The following ROBO2 variants were observed in gnomAD, a reference collection of about 807,000 sequenced individuals.
The protein encoded by ROBO2 is roundabout homolog 2.
ROBO2 carries 53 observed loss-of-function variants against 160.8 expected under a neutral mutation model. The observed-to-expected ratio is 0.33, with a 90% CI of 0.26 to 0.41. The LOEUF is 0.41. Ranked by LOEUF, ROBO2 falls within the 10% of genes least tolerant of loss-of-function variation. ROBO2 has a pLI of 1.00. For missense variants in ROBO2, 1,577 were observed against 1,722.4 expected (o/e 0.92, Z 1.49); for synonymous variants, 664 against 611.7 (o/e 1.09, Z -1.26).
intron 1 of ROBO2, among the ~76,000 whole-genome samples, chr3:77,060,990 C>G (rs1410120631): frequency 6.6e-6 from 1 of 151,648 alleles, no homozygotes; most frequent in African/African-American, 2.4e-5. Flanking sequence ...GGCTGGAAGA[C>G]AGTGGTGCAA....
intron 2 of ROBO2, among the ~76,000 whole-genome samples, chr3:77,248,169 T>G (rs1230076720): frequency 6.6e-6 from 1 of 152,100 alleles, no homozygotes; most frequent in Non-Finnish European, 1.5e-5. Context: ...ATGGCCCGAC[T>G]CTAGAGGAAG....
chr3:77,057,726 A>G (rs1372008135), intron 1 of ROBO2, among the ~76,000 whole-genome samples: 1 of 151,844 alleles, frequency 6.6e-6, no homozygotes, highest in Non-Finnish European at 1.5e-5. Context: ...ACGTGCCACC[A>G]CACTCAGCTA....
At chr3:76,673,398 G>A (rs1025436190) in intron 2 of ROBO2, among the ~76,000 whole-genome samples, 14 of 152,238 alleles carry the variant, frequency 9.2e-5, no homozygotes, top group South Asian at 2.1e-4. Flanking sequence ...CTGAGAGTTC[G>A]CATTTTTAAC....
At chr3:76,215,027 C>A (rs1254756837) in intron 2 of ROBO2, among the ~76,000 whole-genome samples, 3 of 152,156 alleles carry the variant, frequency 2.0e-5, no homozygotes, top group African/African-American at 7.2e-5. Context: ...TCTGCAGCCA[C>A]CGCTGCTGAT....
chr3:77,302,555 G>C (rs1169574165), intron 2 of ROBO2, among the ~76,000 whole-genome samples: 1 of 152,024 alleles, frequency 6.6e-6, no homozygotes, highest in Non-Finnish European at 1.5e-5. Context: ...TGCGTTCTTG[G>C]CTAGAAATTC....
intron 2 of ROBO2, among the ~76,000 whole-genome samples, chr3:76,360,613 C>T (rs2075454594): frequency 6.6e-6 from 1 of 151,854 alleles, no homozygotes; most frequent in African/African-American, 2.4e-5. Flanking sequence ...TTAACGAAGA[C>T]TTTTTTTTCC....
At chr3:77,329,785 T>A (rs1436329535) in intron 2 of ROBO2, among the ~76,000 whole-genome samples, 3 of 152,214 alleles carry the variant, frequency 2.0e-5, no homozygotes, top group African/African-American at 7.2e-5. Flanking sequence ...ACTGACTGTG[T>A]TGACCAGATT....
At chr3:77,406,964 G>C (rs1411279379) in intron 2 of ROBO2, among the ~76,000 whole-genome samples, 1 of 152,064 alleles carries the variant, frequency 6.6e-6, no homozygotes, top group East Asian at 1.9e-4. Context: ...GCAAAGACAG[G>C]AGAAATGTTT....
chr3:76,946,163 G>A (rs2078526107), intron 2 of ROBO2, among the ~76,000 whole-genome samples: 1 of 152,120 alleles, frequency 6.6e-6, no homozygotes, highest in African/African-American at 2.4e-5. Context: ...GCAAAGTTTT[G>A]CCTGAGTAAA....
chr3:76,829,345 CTCTT>C (rs2066868114), intron 2 of ROBO2, among the ~76,000 whole-genome samples: 2 of 152,126 alleles, frequency 1.3e-5, no homozygotes, highest in Admixed American at 1.3e-4. Context: ...TGGATAAAAT[CTCTT>C]TCTTCTTTCT....
intron 2 of ROBO2, among the ~76,000 whole-genome samples, chr3:76,212,777 C>G (rs549287792): frequency 6.6e-6 from 1 of 151,896 alleles, no homozygotes; most frequent in African/African-American, 2.4e-5. Flanking sequence ...GCTGAAATAT[C>G]CCAGCATTCC....
intron 2 of ROBO2, among the ~76,000 whole-genome samples, chr3:76,278,459 T>G (rs2107659929): frequency 6.6e-6 from 1 of 152,172 alleles, no homozygotes; most frequent in East Asian, 1.9e-4. Flanking sequence ...AAACAAAATT[T>G]CAATATATTT....
At chr3:77,003,854 G>C (rs1048975795) in intron 2 of ROBO2, among the ~76,000 whole-genome samples, 1 of 152,108 alleles carries the variant, frequency 6.6e-6, no homozygotes, top group African/African-American at 2.4e-5. Flanking sequence ...CGACATGGAG[G>C]TTCTTTAATC....
chr3:76,659,119 C>T (rs1275288410), intron 2 of ROBO2, among the ~76,000 whole-genome samples: 1 of 151,950 alleles, frequency 6.6e-6, no homozygotes, highest in Non-Finnish European at 1.5e-5. Context: ...GCATTAAGTA[C>T]AGGCTTGCAC....
At chr3:76,769,351 A>AGAT (rs10565547) in intron 2 of ROBO2, among the ~76,000 whole-genome samples, 42 of 150,174 alleles carry the variant, frequency 2.8e-4, no homozygotes, top group Middle Eastern at 3.4e-3. Flanking sequence ...TGTAAATCCC[A>AGAT]GATGATGATG....
chr3:76,363,016 T>C (rs1305659584), intron 2 of ROBO2, among the ~76,000 whole-genome samples: 1 of 152,134 alleles, frequency 6.6e-6, no homozygotes, highest in East Asian at 1.9e-4. Flanking sequence ...CAGCCTGCCA[T>C]CTGAATAGAA....
chr3:77,014,044 T>G (rs2149476483), intron 2 of ROBO2, among the ~76,000 whole-genome samples: 1 of 152,266 alleles, frequency 6.6e-6, no homozygotes, highest in East Asian at 1.9e-4. Context: ...ATTGTCCCTG[T>G]CTCTTATTCT....
At chr3:76,357,644 T>C (rs537518790) in intron 2 of ROBO2, among the ~76,000 whole-genome samples, 2 of 152,060 alleles carry the variant, frequency 1.3e-5, no homozygotes, top group Admixed American at 1.3e-4. Flanking sequence ...TTAATTGACT[T>C]GAACGTTTAA....
At chr3:77,295,117 G>C (rs961564623) in intron 2 of ROBO2, among the ~76,000 whole-genome samples, 2 of 150,838 alleles carry the variant, frequency 1.3e-5, no homozygotes, top group Admixed American at 6.6e-5. Flanking sequence ...AAGGTAAGCT[G>C]AGGCTAGGTC....
Sources: allele counts gnomAD v4.1 joint callset (sites outside exome capture counted in the v4.1 genomes callset), GRCh38; gene constraint gnomAD v4.1.1; transcripts MANE v1.5; gene names NCBI Gene and HGNC (gene_info 2026-07-23, HGNC 2026-07-21).